Variants in PRMT8 observed in about 807,000 individuals in gnomAD.
The protein encoded by PRMT8 is protein arginine N-methyltransferase 8.
A neutral mutation model predicts 47.1 loss-of-function variants in PRMT8; 7 were observed. That is an observed-to-expected ratio of 0.15 (90% CI 0.08 to 0.28). PRMT8 has a LOEUF of 0.28. Among genes scored for constraint, PRMT8 ranks in the 10% least tolerant of loss-of-function variants. The pLI is 1.00. For synonymous variants in PRMT8, 188 were observed against 186.5 expected (o/e 1.01, Z -0.07); for missense variants, 237 against 505.4 (o/e 0.47, Z 5.09).
At position 3,549,547 on chromosome 12, in the gene PRMT8, A is replaced by G. The variant is rs576511097; in HGVS notation, c.262-389A>G. On this transcript the variant is annotated intron_variant, in intron 2 of 9. Transcript: ENST00000382622. ...AAACAAAACAAAATATACACTCACA[A>G]AAACCTCTTTGAATGACGTGTTCAA... Among the ~76,000 whole-genome samples the G allele has an allele frequency of 3.9e-5, 6 of 152,204 alleles. No homozygotes were observed. In the South Asian group the frequency reaches 1.2e-3, roughly 32 times the overall value.
intron 1 of PRMT8, among the ~76,000 whole-genome samples, chr12:3,403,917 T>A (rs1798421348): frequency 6.7e-6 from 1 of 150,266 alleles, no homozygotes; most frequent in Admixed American, 6.6e-5. Flanking sequence ...AAAAATGCTG[T>A]CTTTAAAAAT....
intron 2 of PRMT8, among the ~76,000 whole-genome samples, 156 bp downstream of exon 2, chr12:3,540,947 C>T (rs1431642509): frequency 2.6e-5 from 4 of 152,146 alleles, no homozygotes; most frequent in Non-Finnish European, 5.9e-5. Context: ...CCGGGGGGCC[C>T]CTCTGGGAGG....
At chr12:3,419,829 C>T (rs56112800) in intron 1 of PRMT8, among the ~76,000 whole-genome samples, 2,340 of 151,842 alleles carry the variant, frequency 0.015, 36 homozygotes, top group Non-Finnish European at 0.018. Context: ...CTGGCTTGTC[C>T]AGGGCATGGC....
intron 1 of PRMT8, among the ~76,000 whole-genome samples, chr12:3,468,356 T>TATCAAACAA: frequency 6.6e-6 from 1 of 152,366 alleles, no homozygotes; most frequent in African/African-American, 2.4e-5. Flanking sequence ...AGTTCTGCGA[T>TATCAAACAA]GTGCACAGAG....
intron 1 of PRMT8, among the ~76,000 whole-genome samples, chr12:3,398,100 A>G (rs1449722502): frequency 1.3e-5 from 2 of 152,076 alleles, no homozygotes; most frequent in African/African-American, 2.4e-5. Context: ...ACCTGCGCCC[A>G]CTGTCTGGCA....
rs1413371234 is a variant in PRMT8, at chr12:3,566,542, A to G, written c.482-2164A>G. 6.6e-6 allele frequency among the ~76,000 whole-genome samples: 1 copy of G among 152,256 alleles called. No individual in the cohort carries two copies. The highest frequency in any genetic ancestry group is 2.4e-5 in the African/African-American group (1 of 41,468). On this transcript the variant is annotated intron_variant, in intron 4 of 9. Transcript: ENST00000382622. The surrounding 1 kb of genome is among the most constrained non-coding windows in gnomAD (Gnocchi z 4.7). The stretch of plus-strand genomic sequence containing the variant: ...CTCCTTGTAGAGCAGGCTGTATCCA[A>G]TTAAAGCTTGATTAAATACCACATA...
intron 8 of PRMT8, among the ~76,000 whole-genome samples, chr12:3,591,753 G>A (rs1326569274): frequency 6.6e-6 from 1 of 152,104 alleles, no homozygotes; most frequent in Non-Finnish European, 1.5e-5. Context: ...GTGGATCTGG[G>A]GAAACTGGTT....
chr12:3,468,409 T>C (rs1485214559), intron 1 of PRMT8, among the ~76,000 whole-genome samples: 12 of 152,202 alleles, frequency 7.9e-5, no homozygotes, highest in Admixed American at 7.9e-4. Flanking sequence ...TAGTCTTGCT[T>C]TTTCTCTCAC....
rs932355385 is a variant in PRMT8, at chr12:3,540,847, G to A, written c.261+56G>A. ...GCGAGGCTGACTCTGCTGTTCTGTT[G>A]TTTTCAGAGGCAGCATAGTGTGTTC... is the stretch of plus-strand genomic sequence containing the variant. On this transcript the variant is annotated intron_variant, in intron 2 of 9. Transcript: ENST00000382622. The A allele has an allele frequency of 1.2e-5, 18 of 1,540,402 alleles. No individual in the cohort carries two copies. In the Admixed American group the frequency reaches 2.6e-4, roughly 22 times the overall value.
chr12:3,517,235 TCG>T (rs1218940069), intron 1 of PRMT8, among the ~76,000 whole-genome samples: 2 of 152,190 alleles, frequency 1.3e-5, no homozygotes, highest in African/African-American at 4.8e-5. Context: ...AGTCTCACTT[TCG>T]CTGTTCTCCG....
intron 1 of PRMT8, among the ~76,000 whole-genome samples, chr12:3,406,158 G>A (rs1040488717): frequency 2.0e-5 from 3 of 152,272 alleles, no homozygotes; most frequent in Non-Finnish European, 2.9e-5. Flanking sequence ...ACCTTTTGAA[G>A]CAATGGCTTG....
At position 3,564,935 on chromosome 12, in the gene PRMT8, AG is replaced by A. The variant is rs575077129; in HGVS notation, c.482-3770del. On this transcript the variant is annotated intron_variant, in intron 4 of 9. Coordinates refer to ENST00000382622, the MANE Select transcript of PRMT8 (RefSeq NM_019854.5). The surrounding 1 kb of genome is among the most constrained non-coding windows in gnomAD (Gnocchi z 4.0). ...CCCACCATGACAGGTAGCATTTTGT[AG>A]ATTGGAAAATTGAATCTGGAAGTTT... 8.7e-4 allele frequency among the ~76,000 whole-genome samples: 132 copies of A among 152,364 alleles called. No homozygotes were observed. The highest frequency in any genetic ancestry group is 1.7e-3 in the Non-Finnish European group (116 of 68,038).
chr12:3,483,450 G>GT (rs3839983), intron 1 of PRMT8, among the ~76,000 whole-genome samples: 39,399 of 150,984 alleles, frequency 0.26, 5,647 homozygotes, highest in African/African-American at 0.39. Context: ...AACCATGATA[G>GT]TTTTTTTTTT....
Position 3,514,431 on chromosome 12 carries a change from G to T in PRMT8, c.75+22731G>T, listed in dbSNP as rs1176783724. Among the ~76,000 whole-genome samples, 1 of 152,110 alleles carries T rather than the reference G, an allele frequency of 6.6e-6. No homozygotes were observed. Among genetic ancestry groups the T allele is most frequent in the Non-Finnish European group, 1.5e-5 (1 of 68,010 alleles). On this transcript the variant is annotated intron_variant, in intron 1 of 9. Coordinates refer to ENST00000382622, the MANE Select transcript of PRMT8 (RefSeq NM_019854.5). This position sits in a 1 kb window ranked among gnomAD's most constrained non-coding sequence, Gnocchi z 5.9. ...GCTGCAAGACGTGGTTTAGAGAGGGGTTGCTCACCCAGGCCTGCAGAGCCT... is the reference window on the plus strand; with the variant it reads ...GCTGCAAGACGTGGTTTAGAGAGGGTTTGCTCACCCAGGCCTGCAGAGCCT...
chr12:3,429,045 A>T (rs1277873015), intron 1 of PRMT8, among the ~76,000 whole-genome samples: 1 of 150,400 alleles, frequency 6.6e-6, no homozygotes, highest in Non-Finnish European at 1.5e-5. Flanking sequence ...TCTTTCCTTG[A>T]CCCCATCTTT....
intron 1 of PRMT8, among the ~76,000 whole-genome samples, chr12:3,454,736 G>T (rs193180925): frequency 6.7e-4 from 102 of 152,258 alleles, no homozygotes; most frequent in African/African-American, 2.1e-3. Flanking sequence ...TTCACCGCGG[G>T]TCGGCCTGCG....
At chr12:3,429,036 C>G (rs926445844) in intron 1 of PRMT8, among the ~76,000 whole-genome samples, 4 of 152,148 alleles carry the variant, frequency 2.6e-5, no homozygotes, top group African/African-American at 9.7e-5. Flanking sequence ...CTCTATCTCT[C>G]TTTCCTTGAC....
chr12:3,589,056 T>C (rs1201635382), intron 8 of PRMT8, among the ~76,000 whole-genome samples: 1 of 152,212 alleles, frequency 6.6e-6, no homozygotes, highest in African/African-American at 2.4e-5. Flanking sequence ...CCATAGTTGA[T>C]GGACTAATAA....
At position 3,470,116 on chromosome 12, in the gene PRMT8, T is replaced by TA. The variant is rs149095014; in HGVS notation, c.49-70481dup. 1.9e-3 allele frequency among the ~76,000 whole-genome samples: 282 copies of TA among 151,930 alleles called. 1 individual carries two copies. Among genetic ancestry groups the TA allele is most frequent in the Middle Eastern group, 6.8e-3 (2 of 292 alleles). On this transcript the variant is annotated intron_variant, in intron 1 of 9. Coordinates refer to the PRMT8 transcript ENST00000452611. ...AGGAGCGGATTATAACGAATACACA[T>TA]AAAAAAAAATTTCAAAATTGCCAAC...
Sources: allele counts gnomAD v4.1 joint callset (sites outside exome capture counted in the v4.1 genomes callset), GRCh38; gene constraint gnomAD v4.1.1; non-coding constraint Gnocchi (gnomAD v3.1); transcripts MANE v1.5; gene names NCBI Gene and HGNC (gene_info 2026-07-23, HGNC 2026-07-21).